TOMM20: variants seen among roughly 807,000 people sequenced by gnomAD.
TOMM20 encodes the protein translocase of outer mitochondrial membrane 20.
Under a neutral mutation model 22.1 loss-of-function variants are expected in TOMM20, and 10 were observed. That is an observed-to-expected ratio of 0.45 (90% CI 0.28 to 0.77). TOMM20 has a LOEUF of 0.77. Ranked by LOEUF, TOMM20 falls within the 30% of genes least tolerant of loss-of-function variation. The probability of loss-of-function intolerance (pLI) is 0.13; values close to 1 mark genes in which losing one functional copy is unlikely to be tolerated. For synonymous variants in TOMM20, 55 were observed against 61.4 expected (o/e 0.90, Z 0.49); for missense variants, 121 against 172.2 (o/e 0.70, Z 1.66).
chr1:235,126,305 G>C (rs1240958192), intron 1 of TOMM20, among the ~76,000 whole-genome samples: 3 of 150,438 alleles, frequency 2.0e-5, no homozygotes, highest in East Asian at 4.0e-4. Flanking sequence ...GCTAATTTTT[G>C]TATTTTTAGC....
At chr1:235,112,901 T>A (rs1251575419) in intron 4 of TOMM20, among the ~76,000 whole-genome samples, 1 of 152,230 alleles carries the variant, frequency 6.6e-6, no homozygotes, top group Non-Finnish European at 1.5e-5. Context: ...TTAGTCTAAA[T>A]AAAAACAATT....
intron 3 of TOMM20, among the ~76,000 whole-genome samples, chr1:235,118,011 G>A (rs563466986): frequency 6.6e-6 from 1 of 152,334 alleles, no homozygotes; most frequent in South Asian, 2.1e-4. Flanking sequence ...CTGATCCACT[G>A]ATGGTCACTT....
chr1:235,114,032 T>C, intron 3 of TOMM20, 122 bp from the exon 4 acceptor site: 2 of 997,154 alleles, frequency 2.0e-6, no homozygotes, highest in East Asian at 2.6e-5. Context: ...ATACTGGAAA[T>C]GACCTATAAT....
At chr1:235,128,513 C>A in intron 1 of TOMM20, 82 bp downstream of exon 1, 1 of 1,598,972 alleles carries the variant, frequency 6.3e-7, no homozygotes, top group South Asian at 1.1e-5. Context: ...GGCCCACAGG[C>A]TGGTGGGAGG....
chr1:235,128,739 A>C lies in TOMM20; in HGVS notation c.-24T>G. The C allele has an allele frequency of 6.2e-7, 1 of 1,613,554 alleles. No individual in the cohort carries two copies. The highest frequency in any genetic ancestry group is 8.5e-7 in the Non-Finnish European group (1 of 1,179,834). On this transcript the variant is annotated 5_prime_UTR_variant, in exon 1 of 5. Transcript: ENST00000366607. ...ATCTTCTCTACAACGCTGAGCGTGG[A>C]CGGTGGCGGCAGGGACCGCGAAGGA...
intron 1 of TOMM20, among the ~76,000 whole-genome samples, chr1:235,126,047 C>T (rs4077775): frequency 0.19 from 27,855 of 149,778 alleles, 2,750 homozygotes; most frequent in Non-Finnish European, 0.2. Context: ...TGAGTCACTG[C>T]GCCTGGTCGA....
At chr1:235,114,355 C>T (rs989044891) in intron 3 of TOMM20, among the ~76,000 whole-genome samples, 12 of 151,346 alleles carry the variant, frequency 7.9e-5, no homozygotes, top group African/African-American at 2.9e-4. Flanking sequence ...TTAAGTGATA[C>T]TAGCAGGAAA....
At chr1:235,125,167 T>C (rs958039516) in intron 1 of TOMM20, among the ~76,000 whole-genome samples, 1 of 152,220 alleles carries the variant, frequency 6.6e-6, no homozygotes, top group Non-Finnish European at 1.5e-5. Flanking sequence ...ATCCCAAATT[T>C]AACCTCAAGC....
chr1:235,122,538 A>T, intron 1 of TOMM20, 166 bp from the exon 2 acceptor site: 1 of 545,184 alleles, frequency 1.8e-6, no homozygotes, highest in Non-Finnish European at 3.1e-6. Context: ...GTTCTGGTCA[A>T]TGAGCTGTAG....
intron 1 of TOMM20, 135 bp downstream of exon 1, chr1:235,128,460 C>G (rs565139540): frequency 9.4e-6 from 13 of 1,377,044 alleles, no homozygotes; most frequent in Non-Finnish European, 1.3e-5. Context: ...GCGCAGCCAG[C>G]GCCATCGCCT....
In TOMM20 at chr1:235,110,884, A is replaced by G. The variant is rs1278329734; in HGVS notation, c.*1180T>C. On this transcript the variant is annotated 3_prime_UTR_variant, in exon 5 of 5. Coordinates refer to ENST00000366607, the MANE Select transcript of TOMM20 (RefSeq NM_014765.3). ...CTCAGTTCTGAAACTGTGACTACGGAGAATATGTCACTATTTGAGAATAAG... is the reference window on the plus strand; with the variant it reads ...CTCAGTTCTGAAACTGTGACTACGGGGAATATGTCACTATTTGAGAATAAG... The G allele has an allele frequency of 6.6e-6, 1 of 152,194 alleles. No homozygotes were observed. The highest frequency in any genetic ancestry group is 1.5e-5 in the Non-Finnish European group (1 of 68,036). The allele number at this position is 152,194 out of a possible 1,614,324, so 9.4% of individuals were successfully genotyped here.
chr1:235,120,875 A>G (rs1443022266), intron 2 of TOMM20, among the ~76,000 whole-genome samples: 4 of 150,788 alleles, frequency 2.7e-5, no homozygotes, highest in Non-Finnish European at 4.4e-5. Context: ...GTCTCAAAAA[A>G]AAAAAAAAAA....
chr1:235,128,819 G>C lies in TOMM20; in HGVS notation c.-104C>G, dbSNP rs1176704410. On this transcript the variant is annotated 5_prime_UTR_variant, in exon 1 of 5. Coordinates refer to ENST00000366607, the MANE Select transcript of TOMM20 (RefSeq NM_014765.3). ...GGCGCAGCTCACACCCGACGGCCGC[G>C]GGCCAGGAACACAGAAAGGCCGAGC... 3 of 1,551,822 alleles carry C rather than the reference G, an allele frequency of 1.9e-6. No individual in the cohort carries two copies. In the South Asian group the frequency reaches 3.5e-5, roughly 18 times the overall value.
chr1:235,117,041 A>G (rs933192007), intron 3 of TOMM20, among the ~76,000 whole-genome samples: 24 of 139,926 alleles, frequency 1.7e-4, no homozygotes, highest in African/African-American at 6.3e-4. Context: ...AGGCTGAGGC[A>G]GGAGGATGAC....
chr1:235,123,448 G>GCACTT lies in TOMM20; in HGVS notation c.122-1081_122-1077dup, dbSNP rs546487431. On this transcript the variant is annotated intron_variant, in intron 1 of 4. Transcript: ENST00000366607. ...TGCAGTGAGCAGAGACTGTGCCACTGCACTTCAGCCTGGGCAACAGAGCGA... is the reference window on the plus strand; with the variant it reads ...TGCAGTGAGCAGAGACTGTGCCACTGCACTTCACTTCAGCCTGGGCAACAGAGCGA... Among the ~76,000 whole-genome samples the GCACTT allele has an allele frequency of 4.6e-5, 7 of 152,328 alleles. No homozygotes were observed. In the South Asian group the frequency reaches 1.4e-3, roughly 32 times the overall value.
chr1:235,113,483 T>C lies in TOMM20; in HGVS notation c.393+285A>G, dbSNP rs563365694. On this transcript the variant is annotated intron_variant, in intron 4 of 4. Coordinates refer to ENST00000366607, the MANE Select transcript of TOMM20 (RefSeq NM_014765.3). The stretch of plus-strand genomic sequence containing the variant: ...TAGGCAGAAAGCTACTTGTAGAAAG[T>C]AGCCAAGAGTGACCTGAATTTGGAC... Among the ~76,000 whole-genome samples, 8 of 152,246 alleles carry C rather than the reference T, an allele frequency of 5.3e-5. No individual in the cohort carries two copies. In the East Asian group the frequency reaches 1.5e-3, roughly 29 times the overall value.
chr1:235,120,705 A>C (rs1035145643), intron 2 of TOMM20, among the ~76,000 whole-genome samples: 1 of 151,752 alleles, frequency 6.6e-6, no homozygotes, highest in African/African-American at 2.4e-5. Flanking sequence ...GCCTCTCTCT[A>C]TAAAAAAAAT....
chr1:235,128,577 G>C lies in TOMM20; in HGVS notation c.121+18C>G. 6.2e-7 allele frequency: 1 copy of C among 1,611,920 alleles called. No homozygotes were observed. On this transcript the variant is annotated intron_variant, in intron 1 of 4. Transcript: ENST00000366607. The stretch of plus-strand genomic sequence containing the variant: ...CCGAAGGCAGCAAGCCTGGCCAGGG[G>C]AGAGAGGACCCACTCACGTTCTCGA...
Position 235,112,099 on chromosome 1 carries a change from T to C in TOMM20, c.403A>G (p.Ser135Gly). The C allele has an allele frequency of 1.9e-6, 3 of 1,606,320 alleles. No individual in the cohort carries two copies. Among genetic ancestry groups the C allele is most frequent in the Non-Finnish European group, 2.5e-6 (3 of 1,177,254 alleles). ...KLPTISQRIVSAQSLAEDDVE is the reference protein window; with the variant it reads ...KLPTISQRIVGAQSLAEDDVE The stretch of plus-strand genomic sequence containing the variant: ...TCATCTTCAGCCAAGCTCTGAGCAC[T>C]TACAATTCTCTGAAAGAAAAAAAAA... Residue 135 changes from serine to glycine, a missense_variant, in exon 5 of 5, where the codon AGT becomes GGT. Physicochemically the swap from Ser to Gly is moderately conservative, Grantham distance 56. Transcript: ENST00000366607.
Sources: allele counts gnomAD v4.1 joint callset (sites outside exome capture counted in the v4.1 genomes callset), GRCh38; gene constraint gnomAD v4.1.1; transcripts MANE v1.5; gene names NCBI Gene and HGNC (gene_info 2026-07-23, HGNC 2026-07-21).